Variants in ATRNL1 observed in about 807,000 individuals in gnomAD.
ATRNL1 encodes the protein attractin like 1, also known as attractin-like protein 1.
In ATRNL1, 95 loss-of-function variants were observed where a neutral mutation model predicts 182.7. The ratio of observed to expected loss-of-function variants is 0.52; its 90% CI spans 0.44 to 0.62. The LOEUF (loss-of-function observed/expected upper bound fraction) is 0.62. ATRNL1 is among the 20% of genes least tolerant of loss of function. ATRNL1 has a pLI of 0.00. For missense variants in ATRNL1, 1,471 were observed against 1,679.5 expected (o/e 0.88, Z 2.17); for synonymous variants, 576 against 568.3 (o/e 1.01, Z -0.19).
In ATRNL1 at chr10:115,609,824, G is replaced by A. The variant is rs77929272; in HGVS notation, c.3795+60288G>A. ...AGAGGTAAATGGTGAAATATCTGGC[G>A]TCCATAGATCCCTCAACATAAGTGG... On this transcript the variant is annotated intron_variant, in intron 26 of 28. Coordinates refer to ENST00000355044, the MANE Select transcript of ATRNL1 (RefSeq NM_207303.4). 2.6e-3 allele frequency among the ~76,000 whole-genome samples: 400 copies of A among 152,196 alleles called. 1 individual carries two copies. Among genetic ancestry groups the A allele is most frequent in the African/African-American group, 9.0e-3 (374 of 41,530 alleles).
chr10:115,657,432 A>G (rs1325007467), intron 26 of ATRNL1, among the ~76,000 whole-genome samples: 1 of 152,216 alleles, frequency 6.6e-6, no homozygotes, highest in East Asian at 1.9e-4. Context: ...AGTGAAGGGA[A>G]GTCTTCTCTT....
At chr10:115,860,429 C>CTG (rs10642317) in intron 28 of ATRNL1, among the ~76,000 whole-genome samples, 30,687 of 152,002 alleles carry the variant, frequency 0.2, 3,199 homozygotes, top group African/African-American at 0.23. Flanking sequence ...GAAGGCAGAG[C>CTG]TGTAATGGAG....
At chr10:115,417,921 T>G (rs1845473569) in intron 20 of ATRNL1, among the ~76,000 whole-genome samples, 1 of 152,150 alleles carries the variant, frequency 6.6e-6, no homozygotes, top group Admixed American at 6.5e-5. Flanking sequence ...TTAGAAACTC[T>G]GGAAGGCCCT....
intron 18 of ATRNL1, among the ~76,000 whole-genome samples, chr10:115,329,973 C>T (rs909655802): frequency 3.9e-5 from 6 of 152,008 alleles, no homozygotes; most frequent in African/African-American, 1.2e-4. Context: ...CTTACTGCCT[C>T]CCTTTGTGTT....
intron 9 of ATRNL1, 65 bp from the exon 10 acceptor site, chr10:115,241,506 A>C: frequency 8.7e-7 from 1 of 1,153,556 alleles, no homozygotes; most frequent in Non-Finnish European, 1.2e-6. Context: ...CCCTTTATAT[A>C]ACATATATAA....
At chr10:115,854,739 T>C (rs1300030017) in intron 28 of ATRNL1, among the ~76,000 whole-genome samples, 1 of 152,236 alleles carries the variant, frequency 6.6e-6, no homozygotes, top group Non-Finnish European at 1.5e-5. Flanking sequence ...GTTTGAAACC[T>C]TCAAATTAGC....
intron 8 of ATRNL1, among the ~76,000 whole-genome samples, chr10:115,198,923 C>T (rs1554891676): frequency 6.6e-6 from 1 of 152,068 alleles, no homozygotes; most frequent in African/African-American, 2.4e-5. Context: ...GTAGATTTTG[C>T]AATCAACTAA....
chr10:115,728,145 A>T (rs1947666001), intron 27 of ATRNL1, among the ~76,000 whole-genome samples: 1 of 114,812 alleles, frequency 8.7e-6, no homozygotes, highest in Non-Finnish European at 1.9e-5. Flanking sequence ...AAAAAAAAAA[A>T]TTAGCCGGGC....
At chr10:115,335,766 C>A (rs1347236286) in intron 19 of ATRNL1, among the ~76,000 whole-genome samples, 1 of 152,130 alleles carries the variant, frequency 6.6e-6, no homozygotes, top group Non-Finnish European at 1.5e-5. Context: ...GCCTATATTT[C>A]ACTTCATTCA....
intron 27 of ATRNL1, among the ~76,000 whole-genome samples, chr10:115,791,530 T>C (rs1182986695): frequency 3.9e-5 from 6 of 152,206 alleles, no homozygotes; most frequent in African/African-American, 7.2e-5. Flanking sequence ...TTATCAATTA[T>C]GTATATTTGT....
intron 1 of ATRNL1, among the ~76,000 whole-genome samples, chr10:115,107,114 C>T (rs1554866205): frequency 6.6e-6 from 1 of 152,172 alleles, no homozygotes. Flanking sequence ...TATGCCCCAC[C>T]TCTCAACACT....
rs868921456 is a variant in ATRNL1, at chr10:115,183,391, A to C, written c.1348+12099A>C. Among the ~76,000 whole-genome samples the C allele has an allele frequency of 4.6e-5, 7 of 151,680 alleles. No homozygotes were observed. The East Asian group carries it at 9.7e-4, about 21-fold the overall frequency. ...AGGAGGAGAATAAAAATAAAAGCTGAAATTAATGATGTAAGAACAGAAAAA... is the reference window on the plus strand; with the variant it reads ...AGGAGGAGAATAAAAATAAAAGCTGCAATTAATGATGTAAGAACAGAAAAA... On this transcript the variant is annotated intron_variant, in intron 8 of 28. Transcript: ENST00000355044.
At chr10:115,908,209 T>C (rs1477584362) in intron 28 of ATRNL1, among the ~76,000 whole-genome samples, 2 of 152,150 alleles carry the variant, frequency 1.3e-5, no homozygotes, top group African/African-American at 4.8e-5. Context: ...TCTGAGCTTT[T>C]AGGAGGCCCT....
rs370088204 is a variant in ATRNL1, at chr10:115,725,827, C to G, written c.3796-1421C>G. ...CATTCCTATTGAGAGAGGCATAAAC[C>G]AGATTCTATTTGCCAGGAGCTGTAT... On this transcript the variant is annotated intron_variant, in intron 26 of 28. Coordinates refer to ENST00000355044, the MANE Select transcript of ATRNL1 (RefSeq NM_207303.4). 1.3e-4 allele frequency among the ~76,000 whole-genome samples: 20 copies of G among 152,128 alleles called. No individual in the cohort carries two copies. The East Asian group carries it at 3.1e-3, about 24-fold the overall frequency.
chr10:115,123,637 C>T lies in ATRNL1; in HGVS notation c.491+1825C>T, dbSNP rs1301016420. The stretch of plus-strand genomic sequence containing the variant: ...GAACAGATTTCCTAGGTTAAGAGCA[C>T]AGTCCTCTACAACAAGGGTCTCCTC... On this transcript the variant is annotated intron_variant, in intron 3 of 28. Coordinates refer to ENST00000355044, the MANE Select transcript of ATRNL1 (RefSeq NM_207303.4). Among the ~76,000 whole-genome samples, 3 of 152,088 alleles carry T rather than the reference C, an allele frequency of 2.0e-5. 1 individual carries two copies. Among genetic ancestry groups the T allele is most frequent in the Non-Finnish European group, 4.4e-5 (3 of 67,994 alleles).
chr10:115,563,845 A>G (rs371067223), intron 26 of ATRNL1, among the ~76,000 whole-genome samples: 1 of 152,118 alleles, frequency 6.6e-6, no homozygotes, highest in Non-Finnish European at 1.5e-5. Context: ...TGCATACTCC[A>G]TCACTAGCAG....
At chr10:115,888,895 T>G (rs1306062499) in intron 28 of ATRNL1, among the ~76,000 whole-genome samples, 2 of 152,202 alleles carry the variant, frequency 1.3e-5, no homozygotes, top group African/African-American at 4.8e-5. Flanking sequence ...ATGTCACTTG[T>G]GCTGACATTT....
chr10:115,871,876 T>C (rs1951594503), intron 28 of ATRNL1, among the ~76,000 whole-genome samples: 2 of 152,172 alleles, frequency 1.3e-5, no homozygotes, highest in African/African-American at 4.8e-5. Context: ...ATTATGCCAC[T>C]GGGAAAATAC....
chr10:115,615,987 G>A (rs1555020639), intron 26 of ATRNL1, among the ~76,000 whole-genome samples: 1 of 152,200 alleles, frequency 6.6e-6, no homozygotes, highest in African/African-American at 2.4e-5. Flanking sequence ...GGCAGTGGTT[G>A]AAATAGTGGA....
Sources: allele counts gnomAD v4.1 joint callset (sites outside exome capture counted in the v4.1 genomes callset), GRCh38; gene constraint gnomAD v4.1.1; transcripts MANE v1.5; gene names NCBI Gene and HGNC (gene_info 2026-07-23, HGNC 2026-07-21).